Variants in KDM4A observed in about 807,000 individuals in gnomAD.
The protein encoded by KDM4A is lysine demethylase 4A.
Under a neutral mutation model 127.1 loss-of-function variants are expected in KDM4A, and 23 were observed. The ratio of observed to expected loss-of-function variants is 0.18; its 90% CI spans 0.13 to 0.26. The LOEUF is 0.26. KDM4A is among the 10% of genes least tolerant of loss of function. The probability of loss-of-function intolerance (pLI) is 1.00; values close to 1 mark genes in which losing one functional copy is unlikely to be tolerated. For synonymous variants in KDM4A, 443 were observed against 466.5 expected, an observed-to-expected ratio of 0.95 and a Z score of 0.65; for missense variants, 890 against 1,329.1, an observed-to-expected ratio of 0.67 and a Z score of 5.14.
chr1:43,652,500 C>G (rs1210491587), intron 1 of KDM4A, among the ~76,000 whole-genome samples: 1 of 151,640 alleles, frequency 6.6e-6, no homozygotes, highest in Admixed American at 6.6e-5. Context: ...ATTTAAATAA[C>G]TTTTTGTTGT....
At chr1:43,695,130 T>C (rs1661213339) in intron 18 of KDM4A, among the ~76,000 whole-genome samples, 1 of 152,206 alleles carries the variant, frequency 6.6e-6, no homozygotes, top group Non-Finnish European at 1.5e-5. Context: ...TCTCTTTACT[T>C]GTCTGCCTCT....
chr1:43,698,295 T>C (rs552243623), intron 19 of KDM4A, among the ~76,000 whole-genome samples: 26 of 152,374 alleles, frequency 1.7e-4, no homozygotes, highest in African/African-American at 6.3e-4. Context: ...GAGGGCATTC[T>C]AGTGCAATAG....
intron 9 of KDM4A, among the ~76,000 whole-genome samples, chr1:43,668,640 C>T (rs1390323661): frequency 6.6e-6 from 1 of 152,106 alleles, no homozygotes; most frequent in African/African-American, 2.4e-5. Context: ...CATGTTTTCT[C>T]ATCATATCAG....
intron 12 of KDM4A, 85 bp downstream of exon 12, chr1:43,683,889 G>A (rs1394434769): frequency 6.6e-7 from 1 of 1,514,848 alleles, no homozygotes; most frequent in Non-Finnish European, 9.0e-7. Flanking sequence ...GCCAAGCTGA[G>A]GGATAAGGGT....
At chr1:43,686,991 A>C (rs1660998287) in intron 12 of KDM4A, among the ~76,000 whole-genome samples, 1 of 152,178 alleles carries the variant, frequency 6.6e-6, no homozygotes, top group Admixed American at 6.5e-5. Context: ...TGGCTTTGTA[A>C]ATGGAACAGA....
intron 2 of KDM4A, among the ~76,000 whole-genome samples, chr1:43,654,494 T>C (rs1660190444): frequency 6.6e-6 from 1 of 151,980 alleles, no homozygotes; most frequent in Non-Finnish European, 1.5e-5. Flanking sequence ...TAACAACATA[T>C]ATTCCTCCCT....
chr1:43,669,936 C>T (rs867267628), intron 10 of KDM4A, among the ~76,000 whole-genome samples: 51 of 152,120 alleles, frequency 3.4e-4, no homozygotes, highest in African/African-American at 9.7e-4. Context: ...GGATTACAGG[C>T]GTGAGCCACT....
chr1:43,689,312 G>A (rs1557917280), intron 13 of KDM4A, among the ~76,000 whole-genome samples: 1 of 152,226 alleles, frequency 6.6e-6, no homozygotes, highest in Non-Finnish European at 1.5e-5. Flanking sequence ...AGCTGAGGGT[G>A]GGCTTAGGCT....
At chr1:43,686,314 G>A (rs1010389926) in intron 12 of KDM4A, among the ~76,000 whole-genome samples, 3 of 143,172 alleles carry the variant, frequency 2.1e-5, no homozygotes, top group African/African-American at 7.8e-5. Flanking sequence ...GGGATTACAG[G>A]CGTGAGCCAC....
chr1:43,698,159 A>T (rs1170916355), intron 19 of KDM4A, 146 bp downstream of exon 19: 1 of 756,438 alleles, frequency 1.3e-6, no homozygotes, highest in Admixed American at 3.0e-5. Flanking sequence ...AATCATCTGT[A>T]CCAGTCTTTC....
chr1:43,670,812 C>T (rs1017305593), intron 10 of KDM4A, among the ~76,000 whole-genome samples: 3 of 152,138 alleles, frequency 2.0e-5, no homozygotes, highest in Admixed American at 6.6e-5. Context: ...CCGCCCACCT[C>T]AGCCTCCCAA....
intron 11 of KDM4A, 71 bp from the exon 12 acceptor site, chr1:43,683,613 C>T: frequency 4.0e-6 from 6 of 1,518,282 alleles, no homozygotes; most frequent in African/African-American, 1.4e-5. Context: ...CTTTGGTTTT[C>T]ATTGTAAGGG....
chr1:43,696,129 A>T (rs1661234035), intron 18 of KDM4A, among the ~76,000 whole-genome samples: 1 of 152,200 alleles, frequency 6.6e-6, no homozygotes, highest in Admixed American at 6.5e-5. Context: ...TCCCAGTGGG[A>T]GAAGCAGGTA....
At chr1:43,702,560 C>T (rs1661425616) in intron 19 of KDM4A, 2 of 152,150 alleles carry the variant, frequency 1.3e-5, no homozygotes, top group South Asian at 4.1e-4. Context: ...CCAGGTATAC[C>T]TATCAGACCT....
chr1:43,672,191 CT>C (rs1039485459), intron 11 of KDM4A, among the ~76,000 whole-genome samples: 64 of 146,968 alleles, frequency 4.4e-4, no homozygotes, highest in African/African-American at 4.5e-4. Context: ...ATCACAATGC[CT>C]TTTTTTTTTT....
At chr1:43,702,922 T>G (rs919501656) in intron 19 of KDM4A, among the ~76,000 whole-genome samples, 3 of 151,220 alleles carry the variant, frequency 2.0e-5, no homozygotes, top group African/African-American at 7.3e-5. Context: ...TCCCAGCTAC[T>G]CGGGAGGCTG....
At chr1:43,656,918 CGG>C (rs1570811631) in intron 3 of KDM4A, among the ~76,000 whole-genome samples, 1 of 151,528 alleles carries the variant, frequency 6.6e-6, no homozygotes, top group East Asian at 2.0e-4. Context: ...TTAGTAGAGA[CGG>C]GGTTTCACCG....
chr1:43,675,279 A>G (rs1660715768), intron 11 of KDM4A, among the ~76,000 whole-genome samples: 1 of 152,032 alleles, frequency 6.6e-6, no homozygotes, highest in African/African-American at 2.4e-5. Flanking sequence ...TGGCATGCCT[A>G]CTCTAGGCCA....
chr1:43,666,592 A>T, intron 7 of KDM4A, 37 bp downstream of exon 7: 1 of 1,523,502 alleles, frequency 6.6e-7, no homozygotes, highest in Non-Finnish European at 9.1e-7. Context: ...CTCAGGCACC[A>T]CCCTTTCTGG....
Sources: allele counts gnomAD v4.1 joint callset (sites outside exome capture counted in the v4.1 genomes callset), GRCh38; gene constraint gnomAD v4.1.1; transcripts MANE v1.5; gene names NCBI Gene and HGNC (gene_info 2026-07-23, HGNC 2026-07-21).